Variants in MAD1L1 observed in about 807,000 individuals in gnomAD.
MAD1L1 encodes the protein mitotic arrest deficient 1 like 1, also known as mitotic spindle assembly checkpoint protein MAD1.
A neutral mutation model predicts 96.9 loss-of-function variants in MAD1L1; 95 were observed. The observed-to-expected ratio is 0.98, with a 90% CI of 0.83 to 1.16. The LOEUF (loss-of-function observed/expected upper bound fraction) is 1.16, where lower values mean the gene tolerates loss of function less well. MAD1L1 is among the 50% of genes most tolerant of loss of function. The pLI is 0.00. For missense variants in MAD1L1, 1,007 were observed against 954.4 expected (o/e 1.06, Z -0.73); for synonymous variants, 473 against 396.6 (o/e 1.19, Z -2.29).
intron 11 of MAD1L1, among the ~76,000 whole-genome samples, chr7:2,123,960 AGCAAGGGGCGGGGGCTTAGGCCCCGGGG>A (rs1374793524): frequency 8.6e-5 from 12 of 139,684 alleles, no homozygotes; most frequent in African/African-American, 4.1e-4. Flanking sequence ...CAGCCCAGGC[AGCAAGGGGCGGGGGCTTAGGCCCCGGGG>A]GCAAGAACTC....
chr7:2,010,219 A>C (rs4721302), intron 13 of MAD1L1, among the ~76,000 whole-genome samples: 5 of 151,502 alleles, frequency 3.3e-5, no homozygotes, highest in Non-Finnish European at 7.4e-5. Context: ...GGCTCTCCCC[A>C]GCCCTCCTGG....
intron 18 of MAD1L1, chr7:1,848,036 A>G (rs1783737805): frequency 5.9e-6 from 2 of 336,930 alleles, no homozygotes; most frequent in Admixed American, 4.0e-5. Flanking sequence ...AGCGGCTGGG[A>G]GTCCCAGCGT....
intron 10 of MAD1L1, among the ~76,000 whole-genome samples, chr7:2,168,858 G>A (rs1460861439): frequency 2.6e-5 from 4 of 152,334 alleles, no homozygotes; most frequent in South Asian, 4.1e-4. Context: ...GTTTTATTCC[G>A]AGTGTGCTAA....
In MAD1L1 at chr7:1,936,763, G is replaced by A. The variant is rs749042934; in HGVS notation, c.1731C>T (p.Ala577=). 7.0e-6 allele frequency: 11 copies of A among 1,571,676 alleles called. No homozygotes were observed. Among genetic ancestry groups the A allele is most frequent in the Non-Finnish European group, 3.4e-6 (4 of 1,159,862 alleles). Residue 577 remains alanine, a synonymous_variant, in exon 17 of 19, where the codon GCC becomes GCT. Coordinates refer to ENST00000265854, the MANE Select transcript of MAD1L1 (RefSeq NM_001013836.2). ...CTGGGACGGTGCCTCCTCTCTCCATGGCGCGCAGGAGCCCGCGCAGTCGCT... is the reference window on the plus strand; with the variant it reads ...CTGGGACGGTGCCTCCTCTCTCCATAGCGCGCAGGAGCCCGCGCAGTCGCT... The part of the protein sequence containing the change: ...ECERLRGLLR[A]MERGGTVPAD...
chr7:2,025,280 G>A (rs945792808), intron 12 of MAD1L1, among the ~76,000 whole-genome samples: 6 of 152,184 alleles, frequency 3.9e-5, no homozygotes, highest in African/African-American at 9.7e-5. Context: ...AATCAAAAGA[G>A]CTAGGGAAGA....
chr7:1,878,434 A>G (rs1785496748), intron 18 of MAD1L1, among the ~76,000 whole-genome samples: 1 of 152,180 alleles, frequency 6.6e-6, no homozygotes, highest in Non-Finnish European at 1.5e-5. Context: ...AGGAAATTGA[A>G]TCTATCAATT....
At chr7:2,123,705 G>A (rs1788092315) in intron 11 of MAD1L1, among the ~76,000 whole-genome samples, 1 of 152,232 alleles carries the variant, frequency 6.6e-6, no homozygotes, top group South Asian at 2.1e-4. Context: ...CTGTTTCAGA[G>A]TGCACTTCGC....
chr7:2,091,032 G>A (rs562183658), intron 11 of MAD1L1, among the ~76,000 whole-genome samples: 9 of 152,260 alleles, frequency 5.9e-5, no homozygotes, highest in East Asian at 3.9e-4. Context: ...TATTTGACGC[G>A]TCGGGTTATA....
At chr7:2,184,144 C>T (rs1165391344) in intron 10 of MAD1L1, among the ~76,000 whole-genome samples, 2 of 151,706 alleles carry the variant, frequency 1.3e-5, no homozygotes, top group African/African-American at 2.4e-5. Context: ...CCCAGCTACT[C>T]GGGAGGCTGA....
intron 11 of MAD1L1, among the ~76,000 whole-genome samples, chr7:2,121,564 C>T (rs1787982103): frequency 6.6e-6 from 1 of 152,240 alleles, no homozygotes; most frequent in Non-Finnish European, 1.5e-5. Flanking sequence ...GAATAACAGG[C>T]CTCTGGGCTC....
chr7:2,124,271 C>T (rs1788122966), intron 11 of MAD1L1, among the ~76,000 whole-genome samples: 2 of 152,178 alleles, frequency 1.3e-5, no homozygotes, highest in South Asian at 4.1e-4. Context: ...AGGCCTCTTC[C>T]AAGACTCCAG....
intron 15 of MAD1L1, among the ~76,000 whole-genome samples, chr7:1,970,962 T>G (rs1260159113): frequency 6.6e-6 from 1 of 152,224 alleles, no homozygotes; most frequent in Non-Finnish European, 1.5e-5. Context: ...TCCCTTCCAT[T>G]GTGTGCGAGT....
intron 13 of MAD1L1, among the ~76,000 whole-genome samples, chr7:2,010,076 T>G (rs1199315314): frequency 1.3e-5 from 2 of 149,224 alleles, no homozygotes; most frequent in Admixed American, 6.6e-5. Context: ...ACAGGTTTTT[T>G]TTTTTTTTTT....
rs961722515 is a variant in MAD1L1 at position 1,936,715 on chromosome 7, C to T, written c.1779G>A (p.Ala593=). The T allele has an allele frequency of 1.6e-5, 25 of 1,558,458 alleles. No individual in the cohort carries two copies. Among genetic ancestry groups the T allele is most frequent in the Middle Eastern group, 1.7e-4 (1 of 5,868 alleles). ...TVPADLEAAA[A]SLPSSKEVAE... ...CCACCTCCTTGGACGATGGCAGACTCGCGGCGGCAGCCTCAAGGTCGGCTG... is the reference window on the plus strand; with the variant it reads ...CCACCTCCTTGGACGATGGCAGACTTGCGGCGGCAGCCTCAAGGTCGGCTG... The change falls in exon 17 of 19, where the codon GCG becomes GCA. Residue 593 remains alanine, a synonymous_variant. Coordinates refer to ENST00000265854, the MANE Select transcript of MAD1L1 (RefSeq NM_001013836.2).
At chr7:2,012,085 C>T (rs953206951) in intron 13 of MAD1L1, among the ~76,000 whole-genome samples, 4 of 152,210 alleles carry the variant, frequency 2.6e-5, no homozygotes, top group African/African-American at 9.6e-5. Flanking sequence ...CACACCCCAC[C>T]ATGGGAAGGG....
intron 18 of MAD1L1, among the ~76,000 whole-genome samples, chr7:1,854,772 T>A (rs1295597952): frequency 6.6e-6 from 1 of 151,936 alleles, no homozygotes; most frequent in Non-Finnish European, 1.5e-5. Flanking sequence ...CTCCAAAGTC[T>A]CCTCTCAACC....
intron 16 of MAD1L1, among the ~76,000 whole-genome samples, chr7:1,941,151 G>T (rs1021262442): frequency 3.3e-5 from 5 of 152,248 alleles, no homozygotes; most frequent in African/African-American, 1.2e-4. Flanking sequence ...TTGCAGGAGG[G>T]GTCGGGGGTC....
At chr7:1,943,939 G>A (rs1486958464) in intron 16 of MAD1L1, among the ~76,000 whole-genome samples, 1 of 152,208 alleles carries the variant, frequency 6.6e-6, no homozygotes, top group Non-Finnish European at 1.5e-5. Flanking sequence ...GGATATATAA[G>A]ATGCGGCCGT....
intron 16 of MAD1L1, among the ~76,000 whole-genome samples, chr7:1,943,534 C>T (rs990848686): frequency 1.3e-5 from 2 of 152,160 alleles, no homozygotes; most frequent in African/African-American, 2.4e-5. Flanking sequence ...CGGCATCATC[C>T]GGCATCCAGA....
Sources: gnomAD v4.1 joint callset for allele counts (sites outside exome capture counted in the v4.1 genomes callset) on GRCh38, gnomAD v4.1.1 for gene constraint, MANE v1.5 for transcripts, NCBI Gene and HGNC (gene_info 2026-07-23, HGNC 2026-07-21) for gene names.